The following SUGCT variants were observed in gnomAD, a reference collection of about 807,000 sequenced individuals.
SUGCT encodes the protein succinyl-CoA:glutarate-CoA transferase, also known as succinyl-CoA:glutarate CoA-transferase.
SUGCT carries 41 observed loss-of-function variants against 55.0 expected under a neutral mutation model. The observed-to-expected ratio is 0.74, with a 90% CI of 0.58 to 0.97. The LOEUF is 0.97. Among genes scored for constraint, SUGCT ranks in the 50% least tolerant of loss-of-function variants. The pLI is 0.00. For synonymous variants in SUGCT, 187 were observed against 200.4 expected (o/e 0.93, Z 0.56); for missense variants, 568 against 547.8 (o/e 1.04, Z -0.37).
At chr7:40,641,681 A>G (rs898014501) in intron 12 of SUGCT, among the ~76,000 whole-genome samples, 2 of 152,206 alleles carry the variant, frequency 1.3e-5, no homozygotes, top group African/African-American at 2.4e-5. Context: ...GTTATGGCCC[A>G]TGGCAGGAAA....
At chr7:40,395,618 A>G (rs1399688215) in intron 9 of SUGCT, among the ~76,000 whole-genome samples, 1 of 151,964 alleles carries the variant, frequency 6.6e-6, no homozygotes, top group African/African-American at 2.4e-5. Flanking sequence ...TTTGAGAACT[A>G]CTTATCTGCT....
chr7:40,447,610 G>T (rs1028025632), intron 9 of SUGCT, among the ~76,000 whole-genome samples: 1 of 152,116 alleles, frequency 6.6e-6, no homozygotes, highest in Non-Finnish European at 1.5e-5. Flanking sequence ...ACCTTGAAAG[G>T]GGTGTTGGGA....
At position 40,296,283 on chromosome 7, in the gene SUGCT, G is replaced by T. The variant is rs1213185410; in HGVS notation, c.721-20477G>T. ...TGAATTGCTTATTGAAAAGACTAAA[G>T]TTAAATATTCGATTCCCTTGCAGAA... On this transcript the variant is annotated intron_variant, in intron 8 of 13. Coordinates refer to ENST00000335693, the MANE Select transcript of SUGCT (RefSeq NM_001193313.2). Among the ~76,000 whole-genome samples the T allele has an allele frequency of 2.0e-5, 3 of 152,138 alleles. No homozygotes were observed. In the East Asian group the frequency reaches 5.8e-4, roughly 29 times the overall value.
At chr7:40,778,560 C>T (rs532654792) in intron 13 of SUGCT, among the ~76,000 whole-genome samples, 4 of 152,330 alleles carry the variant, frequency 2.6e-5, no homozygotes, top group East Asian at 3.9e-4. Flanking sequence ...GAATGCCCCA[C>T]GTCACCCAGT....
the SUGCT span, among the ~76,000 whole-genome samples, chr7:40,894,892 A>G: frequency 3.3e-5 from 5 of 152,214 alleles, no homozygotes; most frequent in African/African-American, 1.2e-4. Context: ...CCACGTAGAA[A>G]GCAATGTGTC....
chr7:40,137,681 TTTTA>T (rs1359837154), intron 1 of SUGCT, among the ~76,000 whole-genome samples: 1 of 152,108 alleles, frequency 6.6e-6, no homozygotes, highest in Non-Finnish European at 1.5e-5. Flanking sequence ...TCTATATATT[TTTTA>T]TTTATTTAAG....
intron 8 of SUGCT, among the ~76,000 whole-genome samples, chr7:40,303,270 G>A (rs1474239817): frequency 6.6e-6 from 1 of 152,086 alleles, no homozygotes; most frequent in Non-Finnish European, 1.5e-5. Context: ...CTGACCTCAG[G>A]TGATCCGCCT....
intron 13 of SUGCT, among the ~76,000 whole-genome samples, chr7:40,800,582 G>A (rs770127528): frequency 6.6e-6 from 1 of 152,048 alleles, no homozygotes; most frequent in Non-Finnish European, 1.5e-5. Flanking sequence ...GTGAGCCACC[G>A]CGCCTGGCCC....
chr7:40,328,274 C>T lies in SUGCT; in HGVS notation c.816+11419C>T, dbSNP rs137879843. ...ACATCTTTTGAATAAATCCTTTGGTCGCATATGCTAAAATGGTATTAGGTT... is the reference window on the plus strand; with the variant it reads ...ACATCTTTTGAATAAATCCTTTGGTTGCATATGCTAAAATGGTATTAGGTT... On this transcript the variant is annotated intron_variant, in intron 9 of 13. Coordinates refer to ENST00000335693, the MANE Select transcript of SUGCT (RefSeq NM_001193313.2). Among the ~76,000 whole-genome samples the T allele has an allele frequency of 1.4e-3, 214 of 152,214 alleles. 2 individuals are homozygous for T. Among genetic ancestry groups the T allele is most frequent in the East Asian group, 4.6e-3 (24 of 5,176 alleles).
chr7:40,647,668 T>C (rs1800587284), intron 12 of SUGCT, among the ~76,000 whole-genome samples: 2 of 152,028 alleles, frequency 1.3e-5, no homozygotes, highest in South Asian at 4.1e-4. Context: ...CTGGCTAACA[T>C]GGTGAAACCC....
intron 12 of SUGCT, among the ~76,000 whole-genome samples, chr7:40,583,637 A>AT (rs1443699988): frequency 6.6e-6 from 1 of 152,158 alleles, no homozygotes; most frequent in Non-Finnish European, 1.5e-5. Context: ...ACATGCCTTA[A>AT]TTTTTACCAC....
At chr7:40,760,171 G>A (rs1179360271) in intron 13 of SUGCT, among the ~76,000 whole-genome samples, 1 of 152,122 alleles carries the variant, frequency 6.6e-6, no homozygotes, top group Non-Finnish European at 1.5e-5. Context: ...TGCTGTGTGG[G>A]CAAATTTCCT....
intron 6 of SUGCT, among the ~76,000 whole-genome samples, chr7:40,216,970 T>C (rs1787699559): frequency 6.6e-6 from 1 of 152,140 alleles, no homozygotes; most frequent in Non-Finnish European, 1.5e-5. Flanking sequence ...ATTTTCTTTG[T>C]GGTGTTCTTT....
At chr7:40,290,157 T>G (rs1423665293) in intron 8 of SUGCT, among the ~76,000 whole-genome samples, 1 of 152,042 alleles carries the variant, frequency 6.6e-6, no homozygotes, top group Non-Finnish European at 1.5e-5. Context: ...AAAAACTACT[T>G]TAAAGTTCAT....
Position 40,147,023 on chromosome 7 carries a change from T to C in SUGCT, c.100+11903T>C, listed in dbSNP as rs1438631836. Among the ~76,000 whole-genome samples, 3 of 150,670 alleles carry C rather than the reference T, an allele frequency of 2.0e-5. No individual in the cohort carries two copies. The East Asian group carries it at 5.8e-4, about 29-fold the overall frequency. ...CCCTCTTTGTCTCTCTGTCTCTTCC[T>C]CTTTCTCTCTGCCTCTCTTTCTCTC... On this transcript the variant is annotated intron_variant, in intron 1 of 13. Coordinates refer to ENST00000335693, the MANE Select transcript of SUGCT (RefSeq NM_001193313.2).
At chr7:40,316,616 G>A in intron 8 of SUGCT, 144 bp from the exon 9 acceptor site, 1 of 543,282 alleles carries the variant, frequency 1.8e-6, no homozygotes. Flanking sequence ...AAAGTACAAT[G>A]CCTGTATATT....
intron 12 of SUGCT, among the ~76,000 whole-genome samples, chr7:40,720,720 C>T (rs950753967): frequency 6.6e-6 from 1 of 152,094 alleles, no homozygotes; most frequent in African/African-American, 2.4e-5. Flanking sequence ...TTTAGATGGC[C>T]AGATGCCACT....
the SUGCT span, among the ~76,000 whole-genome samples, chr7:40,936,829 G>T: frequency 1.3e-5 from 2 of 151,690 alleles, no homozygotes; most frequent in South Asian, 2.1e-4. Context: ...CTGTTTTTAA[G>T]TTTTTCTTAT....
chr7:40,652,123 T>C (rs1267327151), intron 12 of SUGCT, among the ~76,000 whole-genome samples: 4 of 152,194 alleles, frequency 2.6e-5, no homozygotes, highest in African/African-American at 9.7e-5. Context: ...CTATTTCTTA[T>C]TCCTTTTTGG....
Sources: gnomAD v4.1 joint callset for allele counts (sites outside exome capture counted in the v4.1 genomes callset) on GRCh38, gnomAD v4.1.1 for gene constraint, MANE v1.5 for transcripts, NCBI Gene and HGNC (gene_info 2026-07-23, HGNC 2026-07-21) for gene names.